The following CFAP410 variants were observed in gnomAD, a reference collection of about 807,000 sequenced individuals.
The protein encoded by CFAP410 is cilia and flagella associated protein 410.
A neutral mutation model predicts 25.7 loss-of-function variants in CFAP410; 27 were observed. That is an observed-to-expected ratio of 1.05 (90% CI 0.77 to 1.45). The LOEUF is 1.45. Ranked by LOEUF, CFAP410 falls within the 40% of genes most tolerant of loss-of-function variation. The pLI, the probability that CFAP410 is intolerant of heterozygous loss-of-function variation, is 0.00. For synonymous variants in CFAP410, 178 were observed against 158.4 expected, an observed-to-expected ratio of 1.12 and a Z score of -0.93; for missense variants, 428 against 354.1, an observed-to-expected ratio of 1.21 and a Z score of -1.67.
At chr21:44,331,044 G>C (rs567017370) in intron 5 of CFAP410, 125 bp from the exon 6 acceptor site, 1 of 883,026 alleles carries the variant, frequency 1.1e-6, no homozygotes, top group East Asian at 2.7e-5. Context: ...CCTGGCACAC[G>C]GGGGCAAGAG....
intron 3 of CFAP410, chr21:44,334,084 G>A (rs1282921377): frequency 2.2e-6 from 1 of 456,044 alleles, no homozygotes; most frequent in Admixed American, 2.3e-5. Flanking sequence ...CCGGCTGTGG[G>A]ACTCTTTCCA....
intron 2 of CFAP410, 104 bp from the exon 3 acceptor site, chr21:44,335,908 C>T (rs548821694): frequency 6.9e-5 from 61 of 882,998 alleles, no homozygotes; most frequent in Admixed American, 2.0e-4. Context: ...AACCCACTTC[C>T]GGGGCCTGAG....
At chr21:44,330,520 C>G (rs1255424659) in intron 6 of CFAP410, 194 bp from the exon 7 acceptor site, 3 of 1,547,886 alleles carry the variant, frequency 1.9e-6, no homozygotes, top group Admixed American at 3.9e-5. Flanking sequence ...TGTGTGGCAC[C>G]TCTTCCACGT....
At chr21:44,331,721 C>CT in intron 5 of CFAP410, 122 bp downstream of exon 5, 1 of 907,546 alleles carries the variant, frequency 1.1e-6, no homozygotes, top group Non-Finnish European at 1.6e-6. Flanking sequence ...ACACTCCCCC[C>CT]GGATAATCCC....
intron 1 of CFAP410, 30 bp downstream of exon 1, chr21:44,339,088 C>G (rs777590542): frequency 7.2e-7 from 1 of 1,386,048 alleles, no homozygotes; most frequent in Non-Finnish European, 9.5e-7. Context: ...CCCCCCACCC[C>G]GGGGCGGCCG....
chr21:44,333,249 A>G lies in CFAP410; in HGVS notation c.157T>C (p.Ser53Pro). Residue 53 changes from serine (S) to proline (P), a missense_variant, in exon 4 of 7, where the codon TCC (serine) becomes CCC (proline). By Grantham distance (74) the Ser-to-Pro change is moderately conservative (BLOSUM62 -1). Coordinates refer to ENST00000339818, the MANE Select transcript of CFAP410 (RefSeq NM_004928.3). ...CACCGGCTCACAGGCTCCAGGGTGG[A>G]GATGCTGTTGACACTGCACGGAGAC... is the stretch of plus-strand genomic sequence containing the variant. The part of the protein sequence containing the change: ...EVITLSVNSI[S>P]TLEPVSRCQR... 2 of 1,611,586 alleles carry G rather than the reference A, an allele frequency of 1.2e-6. No individual in the cohort carries two copies. The highest frequency in any genetic ancestry group is 1.7e-6 in the Non-Finnish European group (2 of 1,179,404).
chr21:44,332,160 A>AGAG (rs2047662445), intron 4 of CFAP410, 146 bp from the exon 5 acceptor site: 1 of 626,102 alleles, frequency 1.6e-6, no homozygotes, highest in Admixed American at 3.7e-5. Flanking sequence ...GACAACTCCC[A>AGAG]GAGTAGCAGC....
intron 4 of CFAP410, 45 bp from the exon 5 acceptor site, chr21:44,332,059 G>T: frequency 6.6e-7 from 1 of 1,524,912 alleles, no homozygotes; most frequent in Non-Finnish European, 8.9e-7. Flanking sequence ...CCTCACCCAC[G>T]TGCAGGCCAC....
chr21:44,330,484 G>T, intron 6 of CFAP410, 158 bp from the exon 7 acceptor site: 1 of 1,538,894 alleles, frequency 6.5e-7, no homozygotes. Flanking sequence ...GAGAATCTGA[G>T]CAGAGGAGCC....
chr21:44,334,763 C>T lies in CFAP410; in HGVS notation c.143+995G>A, dbSNP rs142280076. Reference sequence around the variant, plus strand: ...AGCCCATTTCATTCATTCAGCAAGGCTCGGGCAGGACAGGCTGGTGCCCGC... The same window carrying T: ...AGCCCATTTCATTCATTCAGCAAGGTTCGGGCAGGACAGGCTGGTGCCCGC... On this transcript the variant is annotated intron_variant, in intron 3 of 6. Transcript: ENST00000339818. The T allele has an allele frequency of 2.2e-3, 432 of 197,858 alleles. 2 individuals are homozygous for T. Among genetic ancestry groups the T allele is most frequent in the African/African-American group, 9.9e-3 (418 of 42,302 alleles). 12.3% of individuals were successfully genotyped at this position (197,858 alleles called of 1,614,324 possible). A position where few individuals can be genotyped will look rare whatever the true frequency, so the allele number is the denominator to read the frequency against.
At chr21:44,336,560 A>G (rs910520951) in intron 2 of CFAP410, among the ~76,000 whole-genome samples, 2 of 152,192 alleles carry the variant, frequency 1.3e-5, no homozygotes, top group Non-Finnish European at 2.9e-5. Flanking sequence ...CATATGTGAG[A>G]GCCCACCATA....
chr21:44,338,380 G>A (rs770237340), intron 1 of CFAP410: 18 of 1,144,444 alleles, frequency 1.6e-5, no homozygotes, highest in Admixed American at 2.3e-5. Context: ...CTCAACTCCA[G>A]GCTCCCTCTT....
chr21:44,334,594 C>T (rs2047719760), intron 3 of CFAP410: 1 of 304,642 alleles, frequency 3.3e-6, no homozygotes, highest in Non-Finnish European at 6.4e-6. Context: ...GCTCCATCTC[C>T]TCCTCATCTC....
At position 44,339,211 on chromosome 21, in the gene CFAP410, C is replaced by G. The variant is rs1407604820; in HGVS notation, c.-17G>C. 3 of 1,433,040 alleles carry G rather than the reference C, an allele frequency of 2.1e-6. No homozygotes were observed. The highest frequency in any genetic ancestry group is 1.8e-6 in the Non-Finnish European group (2 of 1,088,802). 88.8% of individuals were successfully genotyped at this position (1,433,040 alleles called of 1,614,324 possible). On this transcript the variant is annotated 5_prime_UTR_variant, in exon 1 of 7. Coordinates refer to ENST00000339818, the MANE Select transcript of CFAP410 (RefSeq NM_004928.3). ...CAGCTTCATGGCGGCCGCCCAGGCC[C>G]GACCGGCGGGCGCCCCCGGCCTCCT...
At chr21:44,330,567 C>T (rs1306742010) in intron 6 of CFAP410, 2 of 1,549,618 alleles carry the variant, frequency 1.3e-6, no homozygotes, top group African/African-American at 1.4e-5. Context: ...GGCCCGGGCC[C>T]ACATTCCACA....
chr21:44,334,535 C>G (rs1455739640), intron 3 of CFAP410: 1 of 103,922 alleles, frequency 9.6e-6, no homozygotes, highest in Non-Finnish European at 1.7e-5. Flanking sequence ...CCCCCCCCCG[C>G]TCAACCTCTG....
intron 6 of CFAP410, 157 bp from the exon 7 acceptor site, chr21:44,330,483 A>T (rs1312341001): frequency 6.5e-7 from 1 of 1,538,382 alleles, no homozygotes; most frequent in Non-Finnish European, 8.8e-7. Flanking sequence ...GGAGAATCTG[A>T]GCAGAGGAGC....
intron 5 of CFAP410, 52 bp from the exon 6 acceptor site, chr21:44,330,971 G>A (rs762701847): frequency 6.8e-7 from 1 of 1,465,864 alleles, no homozygotes; most frequent in Non-Finnish European, 9.2e-7. Flanking sequence ...GGCACCGGGG[G>A]GGCCTCTGCA....
At chr21:44,339,053 C>A in intron 1 of CFAP410, 65 bp downstream of exon 1, 1 of 1,001,878 alleles carries the variant, frequency 1.0e-6, no homozygotes, top group Non-Finnish European at 1.4e-6. Context: ...CCCTCCGGCT[C>A]CGCCCTCGCC....
Sources: gnomAD v4.1 joint callset for allele counts (sites outside exome capture counted in the v4.1 genomes callset) on GRCh38, gnomAD v4.1.1 for gene constraint, MANE v1.5 for transcripts, NCBI Gene and HGNC (gene_info 2026-07-23, HGNC 2026-07-21) for gene names.